Variants in EFHC2 observed in about 807,000 individuals in gnomAD.
EFHC2 encodes the protein EF-hand domain-containing family member C2.
Under a neutral mutation model 52.7 loss-of-function variants are expected in EFHC2, and 18 were observed. The observed-to-expected ratio is 0.34, with a 90% confidence interval of 0.24 to 0.51. The LOEUF (loss-of-function observed/expected upper bound fraction) is 0.51, where lower values mean the gene tolerates loss of function less well. EFHC2 is among the 20% of genes least tolerant of loss of function. The pLI is 0.97. For missense variants in EFHC2, 513 were observed against 562.5 expected (o/e 0.91, Z 0.89); for synonymous variants, 203 against 204.1 (o/e 0.99, Z 0.04).
intron 11 of EFHC2, among the ~76,000 whole-genome samples, chrX:44,181,984 A>G (rs1336394455): frequency 1.8e-5 from 2 of 112,404 alleles, no homozygotes; most frequent in East Asian, 2.8e-4. Flanking sequence ...GACATTTAGT[A>G]TATTCACAAT....
Position 44,235,426 on chromosome X carries a change from T to G in EFHC2, c.1302A>C (p.Ile434=). ...TGACTAGTTTTGCAAAAAAACGGAG[T>G]ATATTGCTTTTGGAGCCATAGCTAA... ...EKDSYGSKSN[I]LRFFAKLVTD... Residue 434 remains isoleucine, a synonymous_variant, in exon 9 of 15, where the codon ATA becomes ATC. Coordinates refer to ENST00000420999, the MANE Select transcript of EFHC2 (RefSeq NM_025184.4). The G allele has an allele frequency of 8.4e-7, 1 of 1,191,076 alleles. No homozygotes were observed. Among genetic ancestry groups the G allele is most frequent in the Non-Finnish European group, 1.1e-6 (1 of 885,375 alleles).
At chrX:44,155,404 G>A (rs1400433181) in intron 14 of EFHC2, among the ~76,000 whole-genome samples, 1 of 112,298 alleles carries the variant, frequency 8.9e-6, no homozygotes, top group East Asian at 2.8e-4. Flanking sequence ...GCAAAGCTGT[G>A]TGTGAGCTAA....
chrX:44,247,810 GAGA>G (rs1373867742), intron 7 of EFHC2, among the ~76,000 whole-genome samples: 1 of 112,093 alleles, frequency 8.9e-6, no homozygotes, highest in Non-Finnish European at 1.9e-5. Context: ...TCTGAGAAGA[GAGA>G]AGCTTAAAAC....
intron 14 of EFHC2, among the ~76,000 whole-genome samples, chrX:44,155,757 T>A (rs1200154331): frequency 1.8e-5 from 2 of 112,201 alleles, no homozygotes; most frequent in African/African-American, 3.2e-5. Flanking sequence ...TCAAATAAAG[T>A]TAACATGGCT....
intron 11 of EFHC2, among the ~76,000 whole-genome samples, chrX:44,183,343 T>C (rs1193626466): frequency 1.8e-5 from 2 of 111,832 alleles, no homozygotes; most frequent in African/African-American, 6.5e-5. Flanking sequence ...GCTCATATCC[T>C]ACCCTCCCTC....
chrX:44,159,170 T>C (rs780736606), intron 14 of EFHC2, among the ~76,000 whole-genome samples: 54 of 111,439 alleles, frequency 4.8e-4, no homozygotes, highest in African/African-American at 1.4e-3. Flanking sequence ...TCTTCTTTTT[T>C]TCCCCCACCT....
intron 14 of EFHC2, among the ~76,000 whole-genome samples, chrX:44,160,897 G>A (rs756750942): frequency 3.6e-5 from 4 of 110,532 alleles, no homozygotes; most frequent in Non-Finnish European, 5.7e-5. Context: ...ACACCAGCTT[G>A]GGCAACAGAG....
intron 14 of EFHC2, among the ~76,000 whole-genome samples, chrX:44,151,258 C>G (rs1447015216): frequency 9.0e-6 from 1 of 111,614 alleles, no homozygotes; most frequent in Admixed American, 9.6e-5. Context: ...GAAACTAATA[C>G]AGGTAAGGAT....
chrX:44,230,843 T>C (rs1280256466), intron 10 of EFHC2, among the ~76,000 whole-genome samples: 1 of 111,848 alleles, frequency 8.9e-6, no homozygotes, highest in Non-Finnish European at 1.9e-5. Context: ...ATGGGCCTCA[T>C]GGTTAGCTCA....
intron 2 of EFHC2, among the ~76,000 whole-genome samples, chrX:44,289,478 C>T (rs73483044): frequency 0.12 from 12,830 of 110,497 alleles, 720 homozygotes; most frequent in Admixed American, 0.25. Context: ...TCATTGTCTT[C>T]TGGCATTTAG....
At chrX:44,180,328 C>G (rs924313217) in intron 11 of EFHC2, among the ~76,000 whole-genome samples, 3 of 112,211 alleles carry the variant, frequency 2.7e-5, no homozygotes, top group African/African-American at 6.5e-5. Context: ...CCATCTCTGA[C>G]AGAGGGCTAA....
chrX:44,226,581 G>A (rs73196195), intron 11 of EFHC2, among the ~76,000 whole-genome samples: 5,172 of 111,159 alleles, frequency 0.047, 128 homozygotes, highest in South Asian at 0.1. Context: ...AGAGGTATTC[G>A]TGTTTCCAGG....
chrX:44,343,475 G>C, intron 1 of EFHC2, 72 bp downstream of exon 1: 4 of 1,144,247 alleles, frequency 3.5e-6, no homozygotes, highest in Non-Finnish European at 4.7e-6. Context: ...TGCGGAGGTG[G>C]CCACGCCACG....
In EFHC2 at chrX:44,261,163, A is replaced by T; in HGVS notation, c.518T>A (p.Phe173Tyr). Residue 173 changes from phenylalanine to tyrosine, a missense_variant, in exon 4 of 15, where the codon TTC becomes TAC. Physicochemically the swap from Phe to Tyr is conservative, Grantham distance 22. Coordinates refer to ENST00000420999, the MANE Select transcript of EFHC2 (RefSeq NM_025184.4). ...TATTTTCCTCAAAAAGTTTCTTGTG[A>T]ATGCATCACAGTCATAAATCTTGAA... ...RTFKIYDCDA[F>Y]TRNFLRKIGV... 1 of 1,211,432 alleles carries T rather than the reference A, an allele frequency of 8.3e-7. No individual in the cohort carries two copies. The highest frequency in any genetic ancestry group is 1.1e-6 in the Non-Finnish European group (1 of 895,128).
chrX:44,216,592 G>A (rs1024466306), intron 11 of EFHC2, among the ~76,000 whole-genome samples: 1 of 111,355 alleles, frequency 9.0e-6, no homozygotes, highest in Non-Finnish European at 1.9e-5. Flanking sequence ...TTCAAGGGAG[G>A]TGCCAAGATC....
At chrX:44,171,231 C>G (rs747213292) in intron 13 of EFHC2, among the ~76,000 whole-genome samples, 2 of 111,249 alleles carry the variant, frequency 1.8e-5, no homozygotes, top group East Asian at 5.7e-4. Flanking sequence ...GATGTTCATA[C>G]TCCCCCTCCC....
intron 12 of EFHC2, among the ~76,000 whole-genome samples, chrX:44,177,880 T>C (rs1434932927): frequency 1.8e-5 from 2 of 110,018 alleles, no homozygotes; most frequent in Non-Finnish European, 3.8e-5. Context: ...GGGAGAAGCC[T>C]ATTCTTTCAA....
chrX:44,204,236 A>C (rs1350768456), intron 11 of EFHC2, among the ~76,000 whole-genome samples: 14 of 86,755 alleles, frequency 1.6e-4, no homozygotes, highest in African/African-American at 5.1e-4. Flanking sequence ...AGCAAACCCA[A>C]AAAAAAAAAA....
At chrX:44,308,327 CAT>C (rs1002265190) in intron 2 of EFHC2, among the ~76,000 whole-genome samples, 2 of 109,734 alleles carry the variant, frequency 1.8e-5, no homozygotes, top group Admixed American at 2.0e-4. Flanking sequence ...TTAGCTCCCA[CAT>C]ATAAGTGCTT....
Sources: allele counts gnomAD v4.1 joint callset (sites outside exome capture counted in the v4.1 genomes callset), GRCh38; gene constraint gnomAD v4.1.1; transcripts MANE v1.5; gene names NCBI Gene and HGNC (gene_info 2026-07-23, HGNC 2026-07-21).